Variants in CNTNAP4 observed in about 807,000 individuals in gnomAD.
The protein encoded by CNTNAP4 is contactin-associated protein-like 4.
CNTNAP4 carries 98 observed loss-of-function variants against 148.4 expected under a neutral mutation model. That is an observed-to-expected ratio of 0.66 (90% CI 0.56 to 0.78). The LOEUF is 0.78. CNTNAP4 is among the 30% of genes least tolerant of loss of function. The pLI is 0.00. For missense variants in CNTNAP4, 1,935 were observed against 1,565.6 expected (o/e 1.24, Z -3.98); for synonymous variants, 730 against 565.1 (o/e 1.29, Z -4.14).
intron 3 of CNTNAP4, among the ~76,000 whole-genome samples, chr16:76,374,045 T>G (rs1024462967): frequency 2.6e-5 from 4 of 152,212 alleles, no homozygotes; most frequent in Admixed American, 2.6e-4. Flanking sequence ...AAATTTGTAA[T>G]TGGCTTTTGA....
At chr16:76,500,775 TTA>T (rs925784279) in intron 15 of CNTNAP4, among the ~76,000 whole-genome samples, 4 of 151,308 alleles carry the variant, frequency 2.6e-5, no homozygotes, top group Non-Finnish European at 5.9e-5. Flanking sequence ...TATATATGTT[TTA>T]TATATATATA....
At chr16:76,529,957 G>A (rs960596577) in intron 17 of CNTNAP4, among the ~76,000 whole-genome samples, 1 of 151,942 alleles carries the variant, frequency 6.6e-6, no homozygotes, top group Non-Finnish European at 1.5e-5. Flanking sequence ...AGGAAATAGT[G>A]CCATATCTCT....
chr16:76,381,748 G>A (rs1259167228), intron 3 of CNTNAP4, among the ~76,000 whole-genome samples: 1 of 152,108 alleles, frequency 6.6e-6, no homozygotes, highest in Admixed American at 6.5e-5. Flanking sequence ...AAATAAATGG[G>A]AGGATAATAA....
At chr16:76,304,581 G>A (rs1960289690) in intron 1 of CNTNAP4, among the ~76,000 whole-genome samples, 3 of 152,118 alleles carry the variant, frequency 2.0e-5, no homozygotes, top group Admixed American at 1.3e-4. Context: ...TCTTCCAAGT[G>A]ACTTTGGGAG....
At chr16:76,432,055 A>G (rs2079629000) in intron 4 of CNTNAP4, among the ~76,000 whole-genome samples, 1 of 152,208 alleles carries the variant, frequency 6.6e-6, no homozygotes, top group African/African-American at 2.4e-5. Context: ...TTATTGTACT[A>G]CAGTTAATAA....
Position 76,316,319 on chromosome 16 carries a change from ATGT to A in CNTNAP4, c.86-86_86-84del. The stretch of plus-strand genomic sequence containing the variant: ...TAGAGATCTTAGATCCTAGTTTTTG[ATGT>A]TGTTGTTTTACTTGTTGGTTGTTTT... On this transcript the variant is annotated intron_variant, in intron 1 of 23. Coordinates refer to ENST00000611870, the MANE Select transcript of CNTNAP4 (RefSeq NM_033401.5). 3 of 777,994 alleles carry A rather than the reference ATGT, an allele frequency of 3.9e-6. No homozygotes were observed. In the South Asian group the frequency reaches 4.3e-5, roughly 11 times the overall value. The allele number at this position is 777,994 out of a possible 1,614,324, so 48.2% of individuals were successfully genotyped here.
chr16:76,481,808 G>A (rs913346916), intron 12 of CNTNAP4, among the ~76,000 whole-genome samples: 2 of 152,082 alleles, frequency 1.3e-5, no homozygotes, highest in African/African-American at 4.8e-5. Context: ...TGAGACAGAT[G>A]ATCTTACTTA....
intron 2 of CNTNAP4, among the ~76,000 whole-genome samples, chr16:76,324,436 C>G (rs1206809027): frequency 6.6e-6 from 1 of 152,094 alleles, no homozygotes; most frequent in African/African-American, 2.4e-5. Context: ...ACACCTGGAG[C>G]AATGTCTGAG....
At chr16:76,284,915 G>T (rs113020556) in intron 1 of CNTNAP4, among the ~76,000 whole-genome samples, 1,848 of 152,112 alleles carry the variant, frequency 0.012, 49 homozygotes, top group African/African-American at 0.043. Flanking sequence ...CACAAGCAAA[G>T]ATACTTTTGT....
intron 23 of CNTNAP4, among the ~76,000 whole-genome samples, chr16:76,556,165 T>A (rs2085189919): frequency 6.6e-6 from 1 of 152,134 alleles, no homozygotes; most frequent in Admixed American, 6.6e-5. Flanking sequence ...GATGGGATAA[T>A]TTATTTAATA....
intron 3 of CNTNAP4, among the ~76,000 whole-genome samples, chr16:76,374,236 C>G (rs1475466676): frequency 1.3e-5 from 2 of 152,240 alleles, no homozygotes; most frequent in East Asian, 3.9e-4. Context: ...CACTTTATTA[C>G]ATTATGTTCA....
intron 3 of CNTNAP4, among the ~76,000 whole-genome samples, chr16:76,383,832 T>G (rs1243334959): frequency 6.6e-6 from 1 of 152,162 alleles, no homozygotes; most frequent in East Asian, 1.9e-4. Flanking sequence ...GACATGGGTG[T>G]AGGCGAAATA....
chr16:76,370,651 A>C (rs2014702431), intron 3 of CNTNAP4, among the ~76,000 whole-genome samples: 1 of 152,190 alleles, frequency 6.6e-6, no homozygotes, highest in African/African-American at 2.4e-5. Context: ...GTTCTAAGTG[A>C]AACAGAACGA....
chr16:76,310,976 CTCT>C (rs1961037344), intron 1 of CNTNAP4, among the ~76,000 whole-genome samples: 1 of 151,912 alleles, frequency 6.6e-6, no homozygotes, highest in Admixed American at 6.6e-5. Flanking sequence ...AATTCTTGTG[CTCT>C]TTTTTCCTCA....
chr16:76,502,718 GT>G (rs1056178083), intron 15 of CNTNAP4, among the ~76,000 whole-genome samples: 1 of 152,060 alleles, frequency 6.6e-6, no homozygotes, highest in Admixed American at 6.6e-5. Flanking sequence ...AAGATTGAGA[GT>G]TAAAGCCTTG....
At chr16:76,515,353 T>C (rs973063385) in intron 15 of CNTNAP4, among the ~76,000 whole-genome samples, 1 of 152,050 alleles carries the variant, frequency 6.6e-6, no homozygotes, top group African/African-American at 2.4e-5. Context: ...TTTAAGGAGA[T>C]CATTAAGGTA....
chr16:76,545,782 A>G (rs918102910), intron 21 of CNTNAP4, among the ~76,000 whole-genome samples: 16 of 152,200 alleles, frequency 1.1e-4, no homozygotes, highest in Admixed American at 3.9e-4. Context: ...TCACGCCTGT[A>G]ATCCTAGCAC....
At chr16:76,349,703 A>T (rs190749526) in intron 2 of CNTNAP4, among the ~76,000 whole-genome samples, 1 of 152,146 alleles carries the variant, frequency 6.6e-6, no homozygotes, top group Admixed American at 6.6e-5. Flanking sequence ...AATTAAGCCA[A>T]TTATTTTCTA....
At chr16:76,341,492 C>T (rs1403245962) in intron 2 of CNTNAP4, among the ~76,000 whole-genome samples, 2 of 152,202 alleles carry the variant, frequency 1.3e-5, no homozygotes, top group Non-Finnish European at 1.5e-5. Context: ...TTGGCAACTT[C>T]TATACAGTAT....
Sources: allele counts gnomAD v4.1 joint callset (sites outside exome capture counted in the v4.1 genomes callset), GRCh38; gene constraint gnomAD v4.1.1; transcripts MANE v1.5; gene names NCBI Gene and HGNC (gene_info 2026-07-23, HGNC 2026-07-21).